The following MEGF6 variants were observed in gnomAD, a reference collection of about 807,000 sequenced individuals.
MEGF6 encodes multiple epidermal growth factor-like domains protein 6.
Under a neutral mutation model 207.1 loss-of-function variants are expected in MEGF6, and 184 were observed. That is an observed-to-expected ratio of 0.89 (90% CI 0.79 to 1.00). The LOEUF (loss-of-function observed/expected upper bound fraction) is 1.00. Among genes scored for constraint, MEGF6 ranks in the 50% least tolerant of loss-of-function variants. MEGF6 has a pLI of 0.00. For missense variants in MEGF6, 2,282 were observed against 2,202.9 expected, an observed-to-expected ratio of 1.04 and a Z score of -0.72; for synonymous variants, 1,038 against 910.0, an observed-to-expected ratio of 1.14 and a Z score of -2.53.
At chr1:3,530,820 G>A (rs1190277471) in intron 4 of MEGF6, among the ~76,000 whole-genome samples, 1 of 152,200 alleles carries the variant, frequency 6.6e-6, no homozygotes, top group East Asian at 1.9e-4. Flanking sequence ...GTCAGGGGAT[G>A]TTTTTCTTTC....
chr1:3,527,726 C>G (rs940317915), intron 4 of MEGF6, among the ~76,000 whole-genome samples: 1 of 152,224 alleles, frequency 6.6e-6, no homozygotes, highest in African/African-American at 2.4e-5. Context: ...GTGGGTGGCA[C>G]CCACCTGAAG....
In MEGF6 at chr1:3,505,643, G is replaced by A. The variant is rs1050301094; in HGVS notation, c.1919-87C>T. Reference sequence around the variant, plus strand: ...CCACCAGCCCTGGGTCAGCCAGGACGACAGCCAAGATCATGTAGGGAGCTG... The same window carrying A: ...CCACCAGCCCTGGGTCAGCCAGGACAACAGCCAAGATCATGTAGGGAGCTG... On this transcript the variant is annotated intron_variant, in intron 15 of 36. Transcript: ENST00000356575. 1.2e-5 allele frequency: 17 copies of A among 1,437,698 alleles called. 1 individual carries two copies. Among genetic ancestry groups the A allele is most frequent in the South Asian group, 4.2e-5 (3 of 70,674 alleles). The allele number at this position is 1,437,698 out of a possible 1,614,324, so 89.1% of individuals were successfully genotyped here.
At position 3,508,628 on chromosome 1, in the gene MEGF6, T is replaced by G; in HGVS notation, c.1590A>C (p.Gly530=). 6.2e-7 allele frequency: 1 copy of G among 1,613,460 alleles called. No homozygotes were observed. Among genetic ancestry groups the G allele is most frequent in the Non-Finnish European group, 8.5e-7 (1 of 1,179,932 alleles). Reference sequence around the variant, plus strand: ...CATCCAGGCCCAGGAGGCAGGTCCCTCCGTTCCTGCAGTCATCACAGGTCA... The same window carrying G: ...CATCCAGGCCCAGGAGGCAGGTCCCGCCGTTCCTGCAGTCATCACAGGTCA... ...CSLTCDDCRN[G]GTCLLGLDGC... is the part of the protein sequence containing the mutation. The change falls in exon 13 of 37, where the codon GGA becomes GGC. Residue 530 remains glycine (G), a synonymous_variant. Transcript: ENST00000356575.
intron 10 of MEGF6, 84 bp downstream of exon 10, chr1:3,510,699 G>C (rs1641309629): frequency 4.7e-6 from 7 of 1,494,860 alleles, no homozygotes; most frequent in Admixed American, 2.1e-5. Context: ...CACCATGGGG[G>C]TACCAGAGCC....
Position 3,596,267 on chromosome 1 carries a change from C to A in MEGF6, c.267-820G>T, listed in dbSNP as rs577122972. 1.1e-4 allele frequency among the ~76,000 whole-genome samples: 16 copies of A among 152,114 alleles called. No homozygotes were observed. The East Asian group carries it at 2.7e-3, about 26-fold the overall frequency. On this transcript the variant is annotated intron_variant, in intron 2 of 36. Coordinates refer to ENST00000356575, the MANE Select transcript of MEGF6 (RefSeq NM_001409.4). ...GAAAATGGTAAGGCCCCCCAGGAGA[C>A]GGCAGTGTCCTGCTGGGAATGGGCA...
At chr1:3,531,443 G>C (rs1043058775) in intron 4 of MEGF6, 1 of 1,109,990 alleles carries the variant, frequency 9.0e-7, no homozygotes, top group African/African-American at 1.7e-5. Context: ...TCGCCTTTAA[G>C]TTCTCAGCTT....
In MEGF6 at chr1:3,556,446, C is replaced by A. The variant is rs1481511553; in HGVS notation, c.481+23379G>T. ...CCGGGACCTCCTCACGGAGCCACAGCCAGCAGGGGTAGGAGAAACCTCGGC... is the reference window on the plus strand; with the variant it reads ...CCGGGACCTCCTCACGGAGCCACAGACAGCAGGGGTAGGAGAAACCTCGGC... On this transcript the variant is annotated intron_variant, in intron 4 of 36. Coordinates refer to ENST00000356575, the MANE Select transcript of MEGF6 (RefSeq NM_001409.4). This position sits in a 1 kb window ranked among gnomAD's most constrained non-coding sequence, Gnocchi z 4.4. Among the ~76,000 whole-genome samples, 1 of 152,214 alleles carries A rather than the reference C, an allele frequency of 6.6e-6. No homozygotes were observed. The highest frequency in any genetic ancestry group is 1.5e-5 in the Non-Finnish European group (1 of 68,034).
At chr1:3,533,738 C>T (rs1427524462) in intron 4 of MEGF6, among the ~76,000 whole-genome samples, 11 of 152,170 alleles carry the variant, frequency 7.2e-5, no homozygotes, top group African/African-American at 2.4e-4. Flanking sequence ...GCCCAGTACT[C>T]GGCGGGAGCC....
At position 3,510,879 on chromosome 1, in the gene MEGF6, G is replaced by A; in HGVS notation, c.1138C>T (p.Pro380Ser). 1 of 1,609,068 alleles carries A rather than the reference G, an allele frequency of 6.2e-7. No individual in the cohort carries two copies. The highest frequency in any genetic ancestry group is 8.5e-7 in the Non-Finnish European group (1 of 1,176,908). Residue 380 changes from proline to serine, a missense_variant, in exon 10 of 37, where the codon CCG becomes TCG. Physicochemically the swap from Pro to Ser is moderately conservative, Grantham distance 74 (BLOSUM62 -1). Coordinates refer to ENST00000356575, the MANE Select transcript of MEGF6 (RefSeq NM_001409.4). ...TTGGTGCACACCTGCTGGCAGCACGGGCTGTCTGCACAGTCGTCGACATCT... is the reference window on the plus strand; with the variant it reads ...TTGGTGCACACCTGCTGGCAGCACGAGCTGTCTGCACAGTCGTCGACATCT... ...CIDVDDCADS[P>S]CCQQVCTNNP...
At chr1:3,499,520 G>A (rs1640758915) in intron 23 of MEGF6, 68 bp downstream of exon 23, 20 of 1,530,846 alleles carry the variant, frequency 1.3e-5, no homozygotes, top group Non-Finnish European at 1.8e-5. Flanking sequence ...GTGGCAGGAG[G>A]GAGTCTCCTA....
chr1:3,589,926 T>C (rs1643949125), intron 3 of MEGF6, among the ~76,000 whole-genome samples: 1 of 152,236 alleles, frequency 6.6e-6, no homozygotes, highest in Non-Finnish European at 1.5e-5. Flanking sequence ...CTCTGAAAAT[T>C]CCTGCAAAAG....
chr1:3,587,744 C>G (rs564036833), intron 3 of MEGF6, among the ~76,000 whole-genome samples: 2 of 152,122 alleles, frequency 1.3e-5, no homozygotes, highest in East Asian at 3.9e-4. Context: ...GACAAACCAT[C>G]GCAACACCTC....
chr1:3,577,968 C>T (rs1182471694), intron 4 of MEGF6, among the ~76,000 whole-genome samples: 3 of 152,232 alleles, frequency 2.0e-5, no homozygotes, highest in Non-Finnish European at 4.4e-5. Flanking sequence ...CCTGCCGATG[C>T]CCCGGGGTCC....
In MEGF6 at chr1:3,602,460, A is replaced by G; in HGVS notation, c.266+6T>C. 5.6e-6 allele frequency: 9 copies of G among 1,613,214 alleles called. No homozygotes were observed. Among genetic ancestry groups the G allele is most frequent in the Non-Finnish European group, 7.6e-6 (9 of 1,179,858 alleles). ...CCCCTCCCCCAACACGGGCCCCTGC[A>G]CTTACCTCCGCTCATGACCCACGCA... is the stretch of plus-strand genomic sequence containing the variant. On this transcript the variant is annotated splice_donor_region_variant and intron_variant, in intron 2 of 36. Coordinates refer to ENST00000356575, the MANE Select transcript of MEGF6 (RefSeq NM_001409.4).
At chr1:3,614,876 C>T (rs971085730), upstream of MEGF6, among the ~76,000 whole-genome samples, 1 of 152,226 alleles carries the variant, frequency 6.6e-6, no homozygotes, top group Non-Finnish European at 1.5e-5. Context: ...CCTCTTCATC[C>T]TGAACTCATC....
At chr1:3,550,879 C>T (rs1557770403) in intron 4 of MEGF6, among the ~76,000 whole-genome samples, 1 of 152,268 alleles carries the variant, frequency 6.6e-6, no homozygotes, top group Non-Finnish European at 1.5e-5. Context: ...TGTGCTAGTC[C>T]ATTGGCAGGA....
intron 26 of MEGF6, 160 bp from the exon 27 acceptor site, chr1:3,497,521 C>A: frequency 2.0e-6 from 2 of 1,003,038 alleles, no homozygotes; most frequent in East Asian, 2.8e-5. Flanking sequence ...CCCGCCACCC[C>A]GGAGGGCAGA....
chr1:3,592,418 A>G (rs550850486), intron 3 of MEGF6, among the ~76,000 whole-genome samples: 18 of 151,824 alleles, frequency 1.2e-4, no homozygotes, highest in South Asian at 2.1e-4. Flanking sequence ...CAGGCCCCCA[A>G]TGGCCCTCAT....
chr1:3,599,637 C>T (rs1644127575), intron 2 of MEGF6, among the ~76,000 whole-genome samples: 1 of 152,240 alleles, frequency 6.6e-6, no homozygotes, highest in African/African-American at 2.4e-5. Context: ...CCCGAGTCAC[C>T]AGTCACCCAG....
Sources: gnomAD v4.1 joint callset for allele counts (sites outside exome capture counted in the v4.1 genomes callset) on GRCh38, gnomAD v4.1.1 for gene constraint, Gnocchi (gnomAD v3.1) non-coding constraint, MANE v1.5 for transcripts, NCBI Gene and HGNC (gene_info 2026-07-23, HGNC 2026-07-21) for gene names.